The following ELMOD3 variants were observed in gnomAD, a reference collection of about 807,000 sequenced individuals.
The protein encoded by ELMOD3 is ELMO domain containing 3, also known as ELMO domain-containing protein 3.
A neutral mutation model predicts 47.4 loss-of-function variants in ELMOD3; 36 were observed. That is an observed-to-expected ratio of 0.76 (90% CI 0.58 to 1.00). ELMOD3 has a LOEUF of 1.00. ELMOD3 is among the 50% of genes least tolerant of loss of function. The pLI, the probability that ELMOD3 is intolerant of heterozygous loss-of-function variation, is 0.00. For missense variants in ELMOD3, 404 were observed against 463.8 expected, an observed-to-expected ratio of 0.87 and a Z score of 1.18; for synonymous variants, 149 against 183.5, an observed-to-expected ratio of 0.81 and a Z score of 1.52.
intron 5 of ELMOD3, among the ~76,000 whole-genome samples, chr2:85,362,841 C>T (rs1291694222): frequency 6.6e-6 from 1 of 152,158 alleles, no homozygotes; most frequent in East Asian, 1.9e-4. Flanking sequence ...TCACTTGAGC[C>T]CAGGAGGTGG....
At chr2:85,364,235 CCCA>C (rs1224608219) in intron 6 of ELMOD3, among the ~76,000 whole-genome samples, 1 of 150,984 alleles carries the variant, frequency 6.6e-6, no homozygotes, top group Admixed American at 6.6e-5. Context: ...AAGCAGTCTT[CCCA>C]CCTCAGCCTC....
chr2:85,357,525 G>T, intron 4 of ELMOD3: 1 of 306,970 alleles, frequency 3.3e-6, no homozygotes, highest in Non-Finnish European at 6.0e-6. Flanking sequence ...GTATTTCATT[G>T]ATTTGGATCA....
intron 4 of ELMOD3, among the ~76,000 whole-genome samples, chr2:85,361,954 G>A (rs371304011): frequency 1.3e-5 from 2 of 151,734 alleles, no homozygotes; most frequent in South Asian, 2.1e-4. Flanking sequence ...AAAAAGTGGA[G>A]GGTGGGAGGA....
At chr2:85,357,869 T>C (rs956128063) in intron 4 of ELMOD3, among the ~76,000 whole-genome samples, 4 of 152,202 alleles carry the variant, frequency 2.6e-5, no homozygotes, top group African/African-American at 9.7e-5. Context: ...CACAGATGCC[T>C]GCAGGAAGTT....
intron 4 of ELMOD3, among the ~76,000 whole-genome samples, chr2:85,359,384 A>T (rs2104482905): frequency 6.6e-6 from 1 of 150,492 alleles, no homozygotes; most frequent in South Asian, 2.1e-4. Context: ...GACTAATGAA[A>T]CACAGTAGTT....
chr2:85,389,908 C>T, intron 12 of ELMOD3, 81 bp downstream of exon 12: 2 of 1,333,710 alleles, frequency 1.5e-6, no homozygotes, highest in South Asian at 2.4e-5. Context: ...TTCCCCAGCT[C>T]TACTCCACCT....
At chr2:85,387,325 CTG>C (rs1451458579) in intron 11 of ELMOD3, 1 of 764,812 alleles carries the variant, frequency 1.3e-6, no homozygotes, top group East Asian at 1.1e-4. Context: ...CACAGCAACT[CTG>C]TGAGGTGGGT....
intron 4 of ELMOD3, among the ~76,000 whole-genome samples, chr2:85,360,199 T>C (rs1573082878): frequency 7.3e-6 from 1 of 137,586 alleles, no homozygotes; most frequent in South Asian, 2.2e-4. Flanking sequence ...CTGGGAGGCA[T>C]AGGTTGAGGT....
In ELMOD3 at chr2:85,390,744, A is replaced by G. The variant is rs1161696847; in HGVS notation, c.944-16A>G. 8 of 1,549,756 alleles carry G rather than the reference A, an allele frequency of 5.2e-6. No homozygotes were observed. Among genetic ancestry groups the G allele is most frequent in the African/African-American group, 1.4e-5 (1 of 72,954 alleles). On this transcript the variant is annotated splice_polypyrimidine_tract_variant and intron_variant, in intron 13 of 13. Coordinates refer to ENST00000409013, the MANE Select transcript of ELMOD3 (RefSeq NM_001135022.2). ...GCCCCCTCAAGCCTTCTGCTCCCCA[A>G]TTCTCTCTGTTGCAGAGTTGGAAGT...
intron 10 of ELMOD3, among the ~76,000 whole-genome samples, chr2:85,373,442 AT>A (rs35123644): frequency 0.25 from 37,771 of 151,806 alleles, 4,858 homozygotes; most frequent in East Asian, 0.36. Flanking sequence ...AACAAACATA[AT>A]TTTTTTGAGG....
intron 11 of ELMOD3, among the ~76,000 whole-genome samples, chr2:85,381,183 A>G (rs1283773367): frequency 1.3e-5 from 2 of 152,214 alleles, no homozygotes; most frequent in East Asian, 3.8e-4. Context: ...GGAGCCTAAT[A>G]TCTTAAAGGA....
chr2:85,361,616 A>G (rs1198654813), intron 4 of ELMOD3, among the ~76,000 whole-genome samples: 1 of 152,134 alleles, frequency 6.6e-6, no homozygotes, highest in Non-Finnish European at 1.5e-5. Context: ...AGGGAACAAC[A>G]CACACTGGGG....
chr2:85,370,053 T>C (rs912831411), intron 8 of ELMOD3, among the ~76,000 whole-genome samples: 1 of 152,146 alleles, frequency 6.6e-6, no homozygotes, highest in East Asian at 1.9e-4. Flanking sequence ...GGGGCCTGTA[T>C]AGCTGTTTAT....
At chr2:85,357,464 T>G in intron 4 of ELMOD3, 2 of 404,444 alleles carry the variant, frequency 4.9e-6, no homozygotes, top group Non-Finnish European at 8.8e-6. Flanking sequence ...TTTGTTTTCT[T>G]TTTGCTTGGG....
chr2:85,365,702 T>A (rs762316639), intron 6 of ELMOD3, among the ~76,000 whole-genome samples: 14 of 152,330 alleles, frequency 9.2e-5, no homozygotes, highest in Middle Eastern at 6.8e-3. Context: ...AACCTTGAAC[T>A]TTTGTTGACT....
At position 85,355,617 on chromosome 2, in the gene ELMOD3, G is replaced by A. The variant is rs1683492816; in HGVS notation, c.-233+19G>A. On this transcript the variant is annotated intron_variant, in intron 3 of 13. Transcript: ENST00000409013. ...CAGCCAGGTGTGGAAAGCTGGTCACGATTCTATGCTACTTGGTTCATTTTC... is the reference window on the plus strand; with the variant it reads ...CAGCCAGGTGTGGAAAGCTGGTCACAATTCTATGCTACTTGGTTCATTTTC... 1 of 152,190 alleles carries A rather than the reference G, an allele frequency of 6.6e-6. No individual in the cohort carries two copies. The highest frequency in any genetic ancestry group is 2.4e-5 in the African/African-American group (1 of 41,426). The allele number at this position is 152,190 out of a possible 1,614,324, so 9.4% of individuals were successfully genotyped here.
Position 85,357,268 on chromosome 2 carries a change from T to C in ELMOD3, c.54+16T>C. 1 of 1,558,794 alleles carries C rather than the reference T, an allele frequency of 6.4e-7. No individual in the cohort carries two copies. Among genetic ancestry groups the C allele is most frequent in the East Asian group, 2.3e-5 (1 of 44,184 alleles). ...AGATGGACAGGTAAGCATGCACTCT[T>C]ATTTGGGAAAGGTGGTGTTGGTTTG... is the stretch of plus-strand genomic sequence containing the variant. On this transcript the variant is annotated intron_variant, in intron 4 of 13. Coordinates refer to ENST00000409013, the MANE Select transcript of ELMOD3 (RefSeq NM_001135022.2).
intron 4 of ELMOD3, among the ~76,000 whole-genome samples, chr2:85,359,489 C>T (rs980155902): frequency 2.6e-5 from 4 of 151,056 alleles, no homozygotes; most frequent in Non-Finnish European, 5.9e-5. Flanking sequence ...CTCACTGCAC[C>T]CTCCGCCTCC....
intron 11 of ELMOD3, among the ~76,000 whole-genome samples, chr2:85,385,508 A>G (rs1481469711): frequency 6.6e-6 from 1 of 152,168 alleles, no homozygotes; most frequent in Non-Finnish European, 1.5e-5. Flanking sequence ...AGGAGAAGGA[A>G]TTTTACAAGG....
Sources: allele counts gnomAD v4.1 joint callset (sites outside exome capture counted in the v4.1 genomes callset), GRCh38; gene constraint gnomAD v4.1.1; transcripts MANE v1.5; gene names NCBI Gene and HGNC (gene_info 2026-07-23, HGNC 2026-07-21).